FOLR1: variants seen among roughly 807,000 people sequenced by gnomAD.
The protein encoded by FOLR1 is KB cells FBP.
In FOLR1, 11 loss-of-function variants were observed where a neutral mutation model predicts 22.8. The observed-to-expected ratio is 0.48, with a 90% CI of 0.30 to 0.80. The LOEUF is 0.80. Among genes scored for constraint, FOLR1 ranks in the 30% least tolerant of loss-of-function variants. The pLI is 0.06. For missense variants in FOLR1, 273 were observed against 320.3 expected (o/e 0.85, Z 1.13); for synonymous variants, 108 against 116.5 (o/e 0.93, Z 0.47).
chr11:72,192,071 C>T (rs1948162932), upstream of FOLR1: 1 of 1,348,578 alleles, frequency 7.4e-7, no homozygotes, highest in Admixed American at 1.7e-5. Flanking sequence ...CTGCCCCAGG[C>T]TTCCGTCCAG....
intron 1 of FOLR1, among the ~76,000 whole-genome samples, 163 bp downstream of exon 1, chr11:72,192,504 A>G (rs113646385): frequency 6.6e-6 from 1 of 152,180 alleles, no homozygotes; most frequent in Admixed American, 6.5e-5. Context: ...AAATGTCGGT[A>G]CAATGCCAAC....
At chr11:72,192,593 T>C (rs1948171381) in intron 1 of FOLR1, among the ~76,000 whole-genome samples, 1 of 152,060 alleles carries the variant, frequency 6.6e-6, no homozygotes, top group Admixed American at 6.6e-5. Context: ...GGAAATGAAG[T>C]TGGAGTGACC....
upstream of FOLR1, among the ~76,000 whole-genome samples, chr11:72,191,740 T>C (rs535859436): frequency 6.6e-6 from 1 of 152,352 alleles, no homozygotes; most frequent in African/African-American, 2.4e-5. Flanking sequence ...ATGTATAGTT[T>C]TAATTTATCC....
chr11:72,195,339 C>T lies in FOLR1; in HGVS notation c.237C>T (p.Ser79=), dbSNP rs867175310. 4.3e-6 allele frequency: 7 copies of T among 1,614,218 alleles called. No homozygotes were observed. In the Middle Eastern group the frequency reaches 1.2e-3, roughly 266 times the overall value. Reference sequence around the variant, plus strand: ...GCCAGGAAGCCCATAAGGATGTTTCCTACCTATATAGATTCAACTGGAACC... The same window carrying T: ...GCCAGGAAGCCCATAAGGATGTTTCTTACCTATATAGATTCAACTGGAACC... ...NTSQEAHKDV[S]YLYRFNWNHC... Residue 79 remains serine (S), a synonymous_variant, in exon 2 of 4, where the codon TCC becomes TCT. Transcript: ENST00000393676.
chr11:72,195,221 G>C (rs375948103), intron 1 of FOLR1, 50 bp from the exon 2 acceptor site: 122 of 1,532,936 alleles, frequency 8.0e-5, no homozygotes, highest in Non-Finnish European at 1.1e-4. Flanking sequence ...TATTCTGGCT[G>C]TGCTGGCTGT....
In FOLR1 at chr11:72,195,466, A is replaced by C; in HGVS notation, c.357+7A>C. On this transcript the variant is annotated splice_region_variant and intron_variant, in intron 2 of 3. Transcript: ENST00000393676. ...GGGGCCCTGGATCCAGCAGGTATGC[A>C]TGGCTTCCTGCAGGTACAAGACCTA... 1 of 1,614,196 alleles carries C rather than the reference A, an allele frequency of 6.2e-7. No individual in the cohort carries two copies. The highest frequency in any genetic ancestry group is 1.3e-5 in the African/African-American group (1 of 75,080).
At chr11:72,193,161 C>A (rs1948178663) in intron 1 of FOLR1, among the ~76,000 whole-genome samples, 1 of 151,906 alleles carries the variant, frequency 6.6e-6, no homozygotes. Context: ...ATGGCAAAAC[C>A]CCATCTCTAC....
chr11:72,191,001 TA>T (rs1948149220), upstream of FOLR1, among the ~76,000 whole-genome samples: 1 of 152,148 alleles, frequency 6.6e-6, no homozygotes, highest in African/African-American at 2.4e-5. Flanking sequence ...TCATAGGAAA[TA>T]AATTCTGAGC....
chr11:72,189,987 TGAGTTCTCAGCTCTTCTAGTCTGGG>T (rs556423818), upstream of FOLR1, among the ~76,000 whole-genome samples: 132 of 152,294 alleles, frequency 8.7e-4, no homozygotes, highest in African/African-American at 3.2e-3. Context: ...AGTCCAGAGC[TGAGTTCTCAGCTCTTCTAGTCTGGG>T]GCCCCAAGGT....
rs144637717 is a variant in FOLR1, at chr11:72,195,749, T to C, written c.493+2T>C. ...ACAAGGGCTGGAACTGGACTTCAGGTGAGGGCTGGGGTGGGCAGGAATGGA... is the reference window on the plus strand; with the variant it reads ...ACAAGGGCTGGAACTGGACTTCAGGCGAGGGCTGGGGTGGGCAGGAATGGA... On this transcript the variant is annotated splice_donor_variant, in intron 3 of 3. Coordinates refer to ENST00000393676, the MANE Select transcript of FOLR1 (RefSeq NM_016729.3). LOFTEE classifies it high-confidence loss of function. The C allele has an allele frequency of 2.7e-3, 4,385 of 1,613,960 alleles. 31 individuals carry two copies. The highest frequency in any genetic ancestry group is 0.013 in the South Asian group (1,184 of 91,062).
In FOLR1 at chr11:72,195,455, A is replaced by G; in HGVS notation, c.353A>G (p.Gln118Arg). 2 of 1,614,196 alleles carry G rather than the reference A, an allele frequency of 1.2e-6. No individual in the cohort carries two copies. The highest frequency in any genetic ancestry group is 1.7e-4 in the Middle Eastern group (1 of 6,058). ...ECSPNLGPWI[Q>R]QVDQSWRKER... is the part of the protein sequence containing the mutation. ...TCCCCCAACTTGGGGCCCTGGATCC[A>G]GCAGGTATGCATGGCTTCCTGCAGG... is the stretch of plus-strand genomic sequence containing the variant. The change falls in exon 2 of 4, where the codon CAG becomes CGG. Residue 118 changes from glutamine to arginine, a missense_variant. By Grantham distance (43) the Gln-to-Arg change is conservative (BLOSUM62 1). Coordinates refer to ENST00000393676, the MANE Select transcript of FOLR1 (RefSeq NM_016729.3).
At position 72,195,477 on chromosome 11, in the gene FOLR1, C is replaced by A. The variant is rs754798966; in HGVS notation, c.357+18C>A. 31 of 1,613,978 alleles carry A rather than the reference C, an allele frequency of 1.9e-5. No homozygotes were observed. In the African/African-American group the frequency reaches 4.0e-4, roughly 21 times the overall value. On this transcript the variant is annotated intron_variant, in intron 2 of 3. Coordinates refer to ENST00000393676, the MANE Select transcript of FOLR1 (RefSeq NM_016729.3). ...TCCAGCAGGTATGCATGGCTTCCTG[C>A]AGGTACAAGACCTAGCGGAGCAGCT...
chr11:72,192,049 G>A (rs1948162764), upstream of FOLR1: 10 of 1,023,448 alleles, frequency 9.8e-6, no homozygotes, highest in South Asian at 1.3e-4. Flanking sequence ...GGAGATGGGG[G>A]CAGGGCTCTA....
chr11:72,193,565 G>A (rs1948185781), intron 1 of FOLR1, among the ~76,000 whole-genome samples: 1 of 150,872 alleles, frequency 6.6e-6, no homozygotes, highest in East Asian at 2.0e-4. Context: ...TCCTGCCTCA[G>A]CCTCCTGAGT....
intron 3 of FOLR1, 43 bp from the exon 4 acceptor site, chr11:72,195,854 A>T: frequency 6.2e-7 from 1 of 1,614,144 alleles, no homozygotes; most frequent in Non-Finnish European, 8.5e-7. Context: ...ACCTCAAGAT[A>T]GTTCCGGGCC....
upstream of FOLR1, among the ~76,000 whole-genome samples, chr11:72,191,201 A>G (rs3763796): frequency 0.038 from 5,771 of 152,120 alleles, 199 homozygotes; most frequent in African/African-American, 0.091. Flanking sequence ...GCCAGCACCC[A>G]TGTCCTGTGA....
upstream of FOLR1, chr11:72,189,748 C>T (rs930729973): frequency 1.3e-5 from 2 of 152,582 alleles, no homozygotes; most frequent in East Asian, 3.8e-4. Flanking sequence ...GGAGAGCCAC[C>T]TCCTCTCCCA....
chr11:72,192,974 A>G (rs80239514), intron 1 of FOLR1, among the ~76,000 whole-genome samples: 228 of 152,212 alleles, frequency 1.5e-3, no homozygotes, highest in Non-Finnish European at 3.0e-3. Flanking sequence ...TCCCTATAAC[A>G]TTTATTTTGC....
intron 1 of FOLR1, among the ~76,000 whole-genome samples, chr11:72,194,172 G>C (rs1948195773): frequency 6.6e-6 from 1 of 152,142 alleles, no homozygotes; most frequent in Non-Finnish European, 1.5e-5. Flanking sequence ...GTTTCAAGTT[G>C]TCCTGAATTT....
Sources: allele counts gnomAD v4.1 joint callset (sites outside exome capture counted in the v4.1 genomes callset), GRCh38; gene constraint gnomAD v4.1.1; transcripts MANE v1.5; gene names NCBI Gene and HGNC (gene_info 2026-07-23, HGNC 2026-07-21).